COX10: variants seen among roughly 807,000 people sequenced by gnomAD.
COX10 encodes cytochrome c oxidase assembly factor heme A:farnesyltransferase COX10.
A neutral mutation model predicts 37.3 loss-of-function variants in COX10; 27 were observed. That is an observed-to-expected ratio of 0.72 (90% CI 0.53 to 1.00). The LOEUF (loss-of-function observed/expected upper bound fraction) is 1.00. Ranked by LOEUF, COX10 falls within the 50% of genes least tolerant of loss-of-function variation. The pLI is 0.00. For synonymous variants in COX10, 222 were observed against 229.1 expected (o/e 0.97, Z 0.28); for missense variants, 475 against 563.2 (o/e 0.84, Z 1.59).
chr17:14,127,077 A>G (rs1281950336), intron 4 of COX10, among the ~76,000 whole-genome samples: 1 of 152,202 alleles, frequency 6.6e-6, no homozygotes, highest in African/African-American at 2.4e-5. Context: ...TTGAAATAAA[A>G]TAGTTTAATT....
At chr17:14,161,604 A>C (rs1234456499) in intron 5 of COX10, among the ~76,000 whole-genome samples, 1 of 152,196 alleles carries the variant, frequency 6.6e-6, no homozygotes, top group Non-Finnish European at 1.5e-5. Flanking sequence ...ATTTGCCCTC[A>C]GTATTGGTGG....
chr17:14,095,963 TA>T (rs1250478771), intron 3 of COX10, among the ~76,000 whole-genome samples: 7 of 152,166 alleles, frequency 4.6e-5, no homozygotes, highest in Non-Finnish European at 7.4e-5. Context: ...AGGTAATTTA[TA>T]AAGAAAAGGC....
intron 4 of COX10, among the ~76,000 whole-genome samples, chr17:14,104,659 ATTTTC>A (rs777672574): frequency 6.6e-6 from 1 of 152,012 alleles, no homozygotes; most frequent in African/African-American, 2.4e-5. Flanking sequence ...ATTTATTAAT[ATTTTC>A]TTTTAGCAGT....
At position 14,131,919 on chromosome 17, in the gene COX10, A is replaced by G. The variant is rs143652929; in HGVS notation, c.625-27958A>G. Among the ~76,000 whole-genome samples the G allele has an allele frequency of 1.6e-3, 239 of 152,158 alleles. 2 individuals are homozygous for G. Among genetic ancestry groups the G allele is most frequent in the Admixed American group, 3.1e-3 (47 of 15,262 alleles). The stretch of plus-strand genomic sequence containing the variant: ...ATCTTCTGACTAAAAAAACTGGGAA[A>G]TTAAATTATAAAGTGATGCAAAAGT... On this transcript the variant is annotated intron_variant, in intron 4 of 6. Coordinates refer to ENST00000261643, the MANE Select transcript of COX10 (RefSeq NM_001303.4).
intron 3 of COX10, among the ~76,000 whole-genome samples, chr17:14,089,911 T>TA (rs1163490214): frequency 6.6e-6 from 1 of 152,156 alleles, no homozygotes; most frequent in Non-Finnish European, 1.5e-5. Flanking sequence ...AGCTCTTTAC[T>TA]GTCAGCACAC....
intron 6 of COX10, among the ~76,000 whole-genome samples, chr17:14,203,832 A>C (rs535603260): frequency 6.6e-6 from 1 of 152,196 alleles, no homozygotes. Flanking sequence ...AAAGATCCTC[A>C]TTACCTGAAA....
intron 5 of COX10, among the ~76,000 whole-genome samples, chr17:14,175,488 A>G (rs1452450719): frequency 6.6e-6 from 1 of 151,438 alleles, no homozygotes; most frequent in African/African-American, 2.4e-5. Flanking sequence ...GTTATGTGAG[A>G]AAACGACTGT....
At chr17:14,081,729 A>G (rs1597493159) in intron 3 of COX10, among the ~76,000 whole-genome samples, 1 of 152,242 alleles carries the variant, frequency 6.6e-6, no homozygotes, top group Non-Finnish European at 1.5e-5. Flanking sequence ...TGCAAATGAC[A>G]TACAAGTGCC....
intron 4 of COX10, among the ~76,000 whole-genome samples, chr17:14,125,394 T>C (rs966679373): frequency 2.0e-5 from 3 of 152,218 alleles, no homozygotes; most frequent in Admixed American, 1.3e-4. Flanking sequence ...GAATTAGCCT[T>C]GTATTAAGGG....
intron 3 of COX10, among the ~76,000 whole-genome samples, chr17:14,084,315 GTAAA>G (rs747032438): frequency 1.1e-3 from 161 of 152,024 alleles, no homozygotes; most frequent in African/African-American, 3.8e-3. Context: ...TATATGACTA[GTAAA>G]TATTTATTTT....
chr17:14,144,184 A>C (rs181500487), intron 4 of COX10, among the ~76,000 whole-genome samples: 3 of 151,624 alleles, frequency 2.0e-5, no homozygotes, highest in African/African-American at 7.2e-5. Context: ...AGATTTGCCA[A>C]TTTTATTGAT....
At chr17:14,139,092 A>T (rs1555537074) in intron 4 of COX10, among the ~76,000 whole-genome samples, 1 of 152,190 alleles carries the variant, frequency 6.6e-6, no homozygotes, top group Non-Finnish European at 1.5e-5. Flanking sequence ...TACACAAAAG[A>T]ACTTAGCCCA....
chr17:14,187,896 T>G (rs1244721464), intron 5 of COX10, among the ~76,000 whole-genome samples: 6 of 152,198 alleles, frequency 3.9e-5, no homozygotes, highest in Non-Finnish European at 8.8e-5. Context: ...CATGCCCTTG[T>G]GCACACTGAT....
In COX10 at chr17:14,119,508, A is replaced by G. The variant is rs756051503; in HGVS notation, c.624+17266A>G. Among the ~76,000 whole-genome samples the G allele has an allele frequency of 2.2e-4, 33 of 152,266 alleles. 1 individual carries two copies. Among genetic ancestry groups the G allele is most frequent in the South Asian group, 1.9e-3 (9 of 4,818 alleles). The stretch of plus-strand genomic sequence containing the variant: ...GGGATGAGAATGTAGATAATAATTA[A>G]ATAATTATAAACCTTATTTAAAAAT... On this transcript the variant is annotated intron_variant, in intron 4 of 6. Coordinates refer to ENST00000261643, the MANE Select transcript of COX10 (RefSeq NM_001303.4).
At chr17:14,143,165 C>T (rs1213025432) in intron 4 of COX10, among the ~76,000 whole-genome samples, 1 of 152,128 alleles carries the variant, frequency 6.6e-6, no homozygotes, top group Admixed American at 6.5e-5. Context: ...GCATATTTCC[C>T]GTGTTGTCTT....
chr17:14,105,622 T>C (rs1304394213), intron 4 of COX10, among the ~76,000 whole-genome samples: 2 of 152,170 alleles, frequency 1.3e-5, no homozygotes, highest in Admixed American at 6.6e-5. Flanking sequence ...AGGCAACATT[T>C]AAAACATGTA....
intron 3 of COX10, among the ~76,000 whole-genome samples, chr17:14,084,109 C>T (rs116795578): frequency 6.6e-6 from 1 of 152,030 alleles, no homozygotes; most frequent in African/African-American, 2.4e-5. Context: ...GGAGGATACA[C>T]GTTCATTTTA....
At chr17:14,093,836 C>T (rs1005535231) in intron 3 of COX10, among the ~76,000 whole-genome samples, 2 of 152,202 alleles carry the variant, frequency 1.3e-5, no homozygotes, top group African/African-American at 4.8e-5. Context: ...GTATGTGCTT[C>T]ATTCCTTCAG....
rs758320502 is a variant in COX10, at chr17:14,069,562, A to G, written c.-44A>G. The G allele has an allele frequency of 6.2e-7, 1 of 1,611,590 alleles. No homozygotes were observed. Among genetic ancestry groups the G allele is most frequent in the Admixed American group, 1.7e-5 (1 of 59,918 alleles). The stretch of plus-strand genomic sequence containing the variant: ...GCGGCGCCCAGCGTCCCGTGAGGAG[A>G]GAGGACACAGGGATCCCGGGGAGCG... On this transcript the variant is annotated 5_prime_UTR_variant, in exon 1 of 7. Coordinates refer to ENST00000261643, the MANE Select transcript of COX10 (RefSeq NM_001303.4).
Sources: allele counts gnomAD v4.1 joint callset (sites outside exome capture counted in the v4.1 genomes callset), GRCh38; gene constraint gnomAD v4.1.1; transcripts MANE v1.5; gene names NCBI Gene and HGNC (gene_info 2026-07-23, HGNC 2026-07-21).